SUPT6H: variants seen among roughly 807,000 people sequenced by gnomAD.
The protein encoded by SUPT6H is SPT6 homolog, histone chaperone and transcription elongation factor, also known as transcription elongation factor SPT6.
Under a neutral mutation model 222.3 loss-of-function variants are expected in SUPT6H, and 11 were observed. The ratio of observed to expected loss-of-function variants is 0.05; its 90% CI spans 0.03 to 0.08. The LOEUF (loss-of-function observed/expected upper bound fraction) is 0.08. Ranked by LOEUF, SUPT6H falls within the 10% of genes least tolerant of loss-of-function variation. The probability of loss-of-function intolerance (pLI) is 1.00; values close to 1 mark genes in which losing one functional copy is unlikely to be tolerated. For missense variants in SUPT6H, 1,422 were observed against 2,216.0 expected (o/e 0.64, Z 7.19); for synonymous variants, 762 against 801.2 (o/e 0.95, Z 0.83).
Position 28,688,477 on chromosome 17 carries a change from T to A in SUPT6H, c.3134+259T>A. The A allele has an allele frequency of 3.5e-6, 1 of 289,122 alleles. No individual in the cohort carries two copies. The highest frequency in any genetic ancestry group is 6.3e-6 in the Non-Finnish European group (1 of 159,802). 17.9% of individuals were successfully genotyped at this position (289,122 alleles called of 1,614,324 possible). A position where few individuals can be genotyped will look rare whatever the true frequency, so the allele number is the denominator to read the frequency against. On this transcript the variant is annotated intron_variant, in intron 24 of 36. Coordinates refer to ENST00000314616, the MANE Select transcript of SUPT6H (RefSeq NM_003170.5). This position sits in a 1 kb window ranked among gnomAD's most constrained non-coding sequence, Gnocchi z 4.3. ...AAATTAAGCATGGAAAACACAAGAT[T>A]TTGTTCAGTAAACACAAACTTGCTT...
chr17:28,683,833 A>C lies in SUPT6H; in HGVS notation c.2229+17A>C, dbSNP rs758174587. The C allele has an allele frequency of 7.8e-6, 12 of 1,545,756 alleles. No individual in the cohort carries two copies. Among genetic ancestry groups the C allele is most frequent in the Non-Finnish European group, 1.0e-5 (12 of 1,145,418 alleles). ...GTCATAAAGGTGAGGACAGAGACTCATGATTTTTTTTTTTTTTTTGGTGAC... is the reference window on the plus strand; with the variant it reads ...GTCATAAAGGTGAGGACAGAGACTCCTGATTTTTTTTTTTTTTTTGGTGAC... On this transcript the variant is annotated intron_variant, in intron 17 of 36. Coordinates refer to ENST00000314616, the MANE Select transcript of SUPT6H (RefSeq NM_003170.5).
chr17:28,670,302 A>G (rs2030337831), intron 1 of SUPT6H: 1 of 152,228 alleles, frequency 6.6e-6, no homozygotes, highest in African/African-American at 2.4e-5. Context: ...TGTAGGGATT[A>G]ATAGAATACT....
rs776365505 is a variant in SUPT6H at position 28,700,495 on chromosome 17, G to A, written c.4789G>A (p.Gly1597Ser). Residue 1597 changes from glycine to serine, a missense_variant, in exon 35 of 37, where the codon GGC (glycine) becomes AGC (serine). Gly to Ser is a moderately conservative substitution (Grantham distance 56). Around this residue, in one of 13 missense-constraint regions of SUPT6H, gnomAD observed 395 missense variants for 580.6 expected, o/e 0.68. Transcript: ENST00000314616. ...GTACGGCTATGGCGGCAGTGGAGGC[G>A]GCAGCAGTGCTTACCACGTATGTGG... Reference protein sequence around the residue: ...SQYGYGGSGGGSSAYHVFPTP... With the variant: ...SQYGYGGSGGSSSAYHVFPTP... 30 of 1,613,904 alleles carry A rather than the reference G, an allele frequency of 1.9e-5. No individual in the cohort carries two copies. The highest frequency in any genetic ancestry group is 5.0e-5 in the Admixed American group (3 of 60,000).
chr17:28,685,602 G>A (rs531345972), intron 19 of SUPT6H, among the ~76,000 whole-genome samples: 1 of 151,932 alleles, frequency 6.6e-6, no homozygotes, highest in East Asian at 1.9e-4. Flanking sequence ...TGATCCTCCT[G>A]CCTTCCAAGT....
At chr17:28,668,636 C>T (rs2151604760) in intron 1 of SUPT6H, among the ~76,000 whole-genome samples, 1 of 152,266 alleles carries the variant, frequency 6.6e-6, no homozygotes, top group East Asian at 1.9e-4. Context: ...ATCAGGTAGG[C>T]TGTGTGTTTC....
intron 1 of SUPT6H, among the ~76,000 whole-genome samples, chr17:28,667,421 ATATATATATATATATG>A (rs2030120105): frequency 7.5e-6 from 1 of 133,772 alleles, no homozygotes; most frequent in Non-Finnish European, 1.6e-5. Flanking sequence ...ATATATATAT[ATATATATATATATATG>A]TATGTGTGTG....
At chr17:28,680,622 C>A (rs746878566) in intron 11 of SUPT6H, among the ~76,000 whole-genome samples, 1 of 152,064 alleles carries the variant, frequency 6.6e-6, no homozygotes, top group Non-Finnish European at 1.5e-5. Flanking sequence ...ACGATATGTT[C>A]TAGGGCTATC....
intron 1 of SUPT6H, among the ~76,000 whole-genome samples, chr17:28,664,672 G>A (rs533564502): frequency 4.6e-5 from 7 of 152,234 alleles, no homozygotes; most frequent in East Asian, 1.9e-4. Context: ...GCAGAATCAC[G>A]CGTCAAAAAT....
chr17:28,682,107 C>T, intron 13 of SUPT6H, 127 bp downstream of exon 13: 2 of 673,818 alleles, frequency 3.0e-6, no homozygotes, highest in Non-Finnish European at 4.9e-6. Context: ...CCTGAACTAG[C>T]CTATTAGCTG....
At chr17:28,670,088 C>G (rs1415448305) in intron 1 of SUPT6H, 1 of 152,260 alleles carries the variant, frequency 6.6e-6, no homozygotes, top group African/African-American at 2.4e-5. Context: ...AAACTCCACT[C>G]TATGCTCCTG....
chr17:28,685,745 A>T (rs919103829), intron 19 of SUPT6H, among the ~76,000 whole-genome samples: 1 of 152,202 alleles, frequency 6.6e-6, no homozygotes, highest in Non-Finnish European at 1.5e-5. Flanking sequence ...CAGCCTCCCA[A>T]AGTGCTGGGA....
Position 28,688,233 on chromosome 17 carries a change from CT to C in SUPT6H, c.3134+16del. 1 of 1,611,442 alleles carries C rather than the reference CT, an allele frequency of 6.2e-7. No individual in the cohort carries two copies. The highest frequency in any genetic ancestry group is 2.2e-5 in the East Asian group (1 of 44,626). On this transcript the variant is annotated intron_variant, in intron 24 of 36. Coordinates refer to ENST00000314616, the MANE Select transcript of SUPT6H (RefSeq NM_003170.5). The surrounding 1 kb of genome is among the most constrained non-coding windows in gnomAD (Gnocchi z 4.3). ...CTGGGGGACAGGTGATGCCCTCTGC[CT>C]GGATGGGGCAGGAGGAATTCCCTTG...
Position 28,684,600 on chromosome 17 carries a change from G to C in SUPT6H, c.2244G>C (p.Lys748Asn). ...KEYVIKACSR[K>N]LYNWLRVAPY... ...TCTTCCCTCAGGCCTGTAGTCGAAA[G>C]CTCTACAATTGGTTGAGAGTGGCAC... Residue 748 changes from lysine (K) to asparagine (N), a missense_variant, in exon 18 of 37, where the codon AAG becomes AAC. Physicochemically the swap from Lys to Asn is moderately conservative, Grantham distance 94. Around this residue, in one of 13 missense-constraint regions of SUPT6H, gnomAD observed 294 missense variants for 382.1 expected, o/e 0.77. Transcript: ENST00000314616. 6.2e-7 allele frequency: 1 copy of C among 1,614,124 alleles called. No individual in the cohort carries two copies. Among genetic ancestry groups the C allele is most frequent in the African/African-American group, 1.3e-5 (1 of 75,024 alleles).
At chr17:28,698,565 G>A (rs772606335) in intron 32 of SUPT6H, among the ~76,000 whole-genome samples, 4 of 152,332 alleles carry the variant, frequency 2.6e-5, no homozygotes, top group Middle Eastern at 3.4e-3. Context: ...TCCCTCTAGC[G>A]CTTACCCTGA....
chr17:28,688,140 C>T lies in SUPT6H; in HGVS notation c.3056C>T (p.Thr1019Ile). The change falls in exon 24 of 37, where the codon ACC (threonine) becomes ATC (isoleucine). Residue 1019 changes from threonine to isoleucine, a missense_variant. By Grantham distance (89) the Thr-to-Ile change is moderately conservative. Transcript: ENST00000314616. The surrounding 1 kb of genome is among the most constrained non-coding windows in gnomAD (Gnocchi z 4.3). ...TRLESRTQLV[T>I]MCHMGPKVFM... ...CTCGAGAGCCGGACCCAGCTGGTCACCATGTGCCACATGGGTCCCAAAGTC... is the reference window on the plus strand; with the variant it reads ...CTCGAGAGCCGGACCCAGCTGGTCATCATGTGCCACATGGGTCCCAAAGTC... The T allele has an allele frequency of 6.2e-7, 1 of 1,613,764 alleles. No individual in the cohort carries two copies.
chr17:28,701,526 G>C lies in SUPT6H; in HGVS notation c.5082G>C (p.Gln1694His). 1 of 1,614,140 alleles carries C rather than the reference G, an allele frequency of 6.2e-7. No homozygotes were observed. The highest frequency in any genetic ancestry group is 2.2e-5 in the East Asian group (1 of 44,882). The change falls in exon 37 of 37, where the codon CAG becomes CAC. Residue 1694 changes from glutamine to histidine, a missense_variant. Transcript: ENST00000314616. ...AGGCAGAACGGCGGAAACAGAAGCA[G>C]CGGCTGACACCTCGGCCCTCCCCCA... The part of the protein sequence containing the change: ...EKEAERRKQK[Q>H]RLTPRPSPSP...
intron 28 of SUPT6H, among the ~76,000 whole-genome samples, chr17:28,694,185 G>A (rs2031796977): frequency 6.6e-6 from 1 of 152,190 alleles, no homozygotes; most frequent in Non-Finnish European, 1.5e-5. Flanking sequence ...AGGCATCAGC[G>A]CTTTAGAGGG....
At chr17:28,701,325 C>T (rs997345866) in intron 36 of SUPT6H, 114 bp from the exon 37 acceptor site, 8 of 1,440,642 alleles carry the variant, frequency 5.6e-6, no homozygotes, top group African/African-American at 1.4e-5. Context: ...TGCCTTATCC[C>T]AGTAGAGGGG....
chr17:28,678,795 C>G (rs943235767), intron 10 of SUPT6H, 26 bp from the exon 11 acceptor site: 2 of 1,614,118 alleles, frequency 1.2e-6, no homozygotes, highest in South Asian at 2.2e-5. Context: ...AACACAAGCT[C>G]TCATTCCTGC....
Sources: gnomAD v4.1 joint callset for allele counts (sites outside exome capture counted in the v4.1 genomes callset) on GRCh38, gnomAD v4.1.1 for gene constraint, gnomAD v4.1.1 regional missense constraint, Gnocchi (gnomAD v3.1) non-coding constraint, MANE v1.5 for transcripts, NCBI Gene and HGNC (gene_info 2026-07-23, HGNC 2026-07-21) for gene names.